Variants in RTN3 observed in about 807,000 individuals in gnomAD.
RTN3 encodes reticulon 3, also known as reticulon-3.
RTN3 carries 49 observed loss-of-function variants against 77.8 expected under a neutral mutation model. That is an observed-to-expected ratio of 0.63 (90% CI 0.50 to 0.80). RTN3 has a LOEUF of 0.80. Ranked by LOEUF, RTN3 falls within the 30% of genes least tolerant of loss-of-function variation. The pLI is 0.00. For synonymous variants in RTN3, 464 were observed against 446.9 expected, an observed-to-expected ratio of 1.04 and a Z score of -0.48; for missense variants, 1,236 against 1,211.9, an observed-to-expected ratio of 1.02 and a Z score of -0.29.
chr11:63,750,042 G>T lies in RTN3; in HGVS notation c.2582G>T (p.Gly861Val), dbSNP rs2014018452. 6.2e-7 allele frequency: 1 copy of T among 1,613,858 alleles called. No individual in the cohort carries two copies. Residue 861 changes from glycine to valine, a missense_variant, in exon 4 of 9, where the codon GGC becomes GTC. Coordinates refer to ENST00000377819, the MANE Select transcript of RTN3 (RefSeq NM_001265589.2). Reference sequence around the variant, plus strand: ...GTGAAGAAGACTGGGTTTGTCTTTGGCACCACGCTGATCATGCTGCTTTCC... The same window carrying T: ...GTGAAGAAGACTGGGTTTGTCTTTGTCACCACGCTGATCATGCTGCTTTCC... ...RDVKKTGFVFGTTLIMLLSLA... is the reference protein window; with the variant it reads ...RDVKKTGFVFVTTLIMLLSLA...
intron 7 of RTN3, among the ~76,000 whole-genome samples, chr11:63,754,925 CAAA>C (rs373589429): frequency 0.013 from 1,300 of 96,924 alleles, 19 homozygotes; most frequent in African/African-American, 0.048. Flanking sequence ...GACTCTGTCT[CAAA>C]AAAAAAAAAA....
chr11:63,755,783 C>G (rs1227133424), intron 7 of RTN3, among the ~76,000 whole-genome samples: 11 of 149,936 alleles, frequency 7.3e-5, no homozygotes, highest in Non-Finnish European at 4.4e-5. Flanking sequence ...CACGGTGAAA[C>G]CCCGTCTCTA....
At position 63,750,061 on chromosome 11, in the gene RTN3, G is replaced by C; in HGVS notation, c.2601G>C (p.Leu867=). The C allele has an allele frequency of 6.2e-7, 1 of 1,613,776 alleles. No individual in the cohort carries two copies. The highest frequency in any genetic ancestry group is 8.5e-7 in the Non-Finnish European group (1 of 1,179,786). ...GFVFGTTLIM[L]LSLAAFSVIS... Reference sequence around the variant, plus strand: ...TCTTTGGCACCACGCTGATCATGCTGCTTTCCCTGGCAGCTTTCAGTGTCA... The same window carrying C: ...TCTTTGGCACCACGCTGATCATGCTCCTTTCCCTGGCAGCTTTCAGTGTCA... The change falls in exon 4 of 9, where the codon CTG becomes CTC. Residue 867 remains leucine (L), a synonymous_variant. Transcript: ENST00000377819.
At chr11:63,706,757 A>C (rs1942512074) in intron 2 of RTN3, among the ~76,000 whole-genome samples, 1 of 152,134 alleles carries the variant, frequency 6.6e-6, no homozygotes, top group Non-Finnish European at 1.5e-5. Context: ...AAAATAATTT[A>C]AGCAAATAGG....
Position 63,694,052 on chromosome 11 carries a change from C to T in RTN3, c.143-10799C>T, listed in dbSNP as rs954513079. ...GGAGTATCACTTGGGCCCTCAAGGTCGAGGCTGCAGTGATTGCACTACCAC... is the reference window on the plus strand; with the variant it reads ...GGAGTATCACTTGGGCCCTCAAGGTTGAGGCTGCAGTGATTGCACTACCAC... On this transcript the variant is annotated intron_variant, in intron 1 of 8. Coordinates refer to ENST00000377819, the MANE Select transcript of RTN3 (RefSeq NM_001265589.2). 6.6e-5 allele frequency among the ~76,000 whole-genome samples: 10 copies of T among 151,914 alleles called. No homozygotes were observed. In the South Asian group the frequency reaches 1.7e-3, roughly 25 times the overall value.
chr11:63,747,093 G>A (rs1255521106), intron 3 of RTN3: 2 of 438,234 alleles, frequency 4.6e-6, no homozygotes, highest in African/African-American at 4.0e-5. Flanking sequence ...TTGTTTTGTA[G>A]AATATTTCTC....
intron 6 of RTN3, 52 bp from the exon 7 acceptor site, chr11:63,753,610 A>G: frequency 6.7e-7 from 1 of 1,495,236 alleles, no homozygotes; most frequent in Non-Finnish European, 9.3e-7. Context: ...GAGTCTTAAG[A>G]TGTGACTGTC....
rs559688036 is a variant in RTN3 at position 63,715,656 on chromosome 11, T to TA, written c.200-3038dup. On this transcript the variant is annotated intron_variant, in intron 2 of 8. Coordinates refer to ENST00000377819, the MANE Select transcript of RTN3 (RefSeq NM_001265589.2). Reference sequence around the variant, plus strand: ...CTGGGCAACAGAACTAGACTCTGTCTAAAAAAAACACACAAAAAACACACA... The same window carrying TA: ...CTGGGCAACAGAACTAGACTCTGTCTAAAAAAAAACACACAAAAAACACACA... 3.4e-3 allele frequency among the ~76,000 whole-genome samples: 516 copies of TA among 151,088 alleles called. 2 individuals carry two copies. Among genetic ancestry groups the TA allele is most frequent in the Middle Eastern group, 6.8e-3 (2 of 294 alleles).
In RTN3 at chr11:63,704,891, A is replaced by C. The variant is rs778560418; in HGVS notation, c.183A>C (p.Leu61=). The C allele has an allele frequency of 3.1e-6, 5 of 1,611,522 alleles. No homozygotes were observed. The African/African-American group carries it at 6.7e-5, about 22-fold the overall frequency. ...VSSSSSQPVS[L]FSTSQEGLSS... is the part of the protein sequence containing the mutation. ...CCTCTTCCTCTCAGCCTGTATCTCT[A>C]TTTTCGACCTCACAAGGCAAGTCTG... The change falls in exon 2 of 9, where the codon CTA becomes CTC. Residue 61 remains leucine (L), a synonymous_variant. Coordinates refer to ENST00000377819, the MANE Select transcript of RTN3 (RefSeq NM_001265589.2).
chr11:63,682,331 G>T lies in RTN3; in HGVS notation c.142+553G>T, dbSNP rs115104255. Among the ~76,000 whole-genome samples, 956 of 151,860 alleles carry T rather than the reference G, an allele frequency of 6.3e-3. 14 individuals are homozygous for T. Among genetic ancestry groups the T allele is most frequent in the African/African-American group, 0.022 (900 of 41,440 alleles). ...GGAAGCATTGTAGCCTGTTTTTTTT[G>T]TTTGTTTGTTTTGTTTTTACTGTTT... On this transcript the variant is annotated intron_variant, in intron 1 of 8. Transcript: ENST00000377819.
intron 3 of RTN3, among the ~76,000 whole-genome samples, chr11:63,745,896 C>T (rs746110855): frequency 6.6e-6 from 1 of 152,186 alleles, no homozygotes; most frequent in South Asian, 2.1e-4. Flanking sequence ...CTGCCACCTC[C>T]GCCTCCCAGG....
At chr11:63,697,851 T>C (rs1942044848) in intron 1 of RTN3, among the ~76,000 whole-genome samples, 2 of 152,202 alleles carry the variant, frequency 1.3e-5, no homozygotes, top group African/African-American at 2.4e-5. Context: ...TTCTTTTTTA[T>C]GTATTTTCAG....
intron 5 of RTN3, 25 bp from the exon 6 acceptor site, chr11:63,753,044 T>G: frequency 6.2e-7 from 1 of 1,611,354 alleles, no homozygotes; most frequent in South Asian, 1.1e-5. Context: ...TTATTCCTGC[T>G]TAACTTTTGA....
intron 1 of RTN3, among the ~76,000 whole-genome samples, chr11:63,683,355 T>G (rs1941169475): frequency 6.6e-6 from 1 of 152,250 alleles, no homozygotes; most frequent in African/African-American, 2.4e-5. Flanking sequence ...TTGTCATTGC[T>G]TACTGTTTGG....
rs2011632500 is a variant in RTN3, at chr11:63,719,919, C to G, written c.1417C>G (p.Pro473Ala). 4.3e-6 allele frequency: 7 copies of G among 1,613,988 alleles called. No homozygotes were observed. Among genetic ancestry groups the G allele is most frequent in the South Asian group, 2.2e-5 (2 of 91,080 alleles). ...SGVATVKVVL[P>A]DDHLKDEMDW... ...AGTGGCCACAGTGAAAGTGGTTTTA[C>G]CTGATGACCACCTGAAAGATGAAAT... is the stretch of plus-strand genomic sequence containing the variant. The change falls in exon 3 of 9, where the codon CCT becomes GCT. Residue 473 changes from proline to alanine, a missense_variant. This residue lies in a region of RTN3 where 1,056 missense variants were observed against 990.4 expected (regional missense o/e 1.07). Transcript: ENST00000377819.
intron 7 of RTN3, among the ~76,000 whole-genome samples, chr11:63,754,624 T>G (rs561900478): frequency 7.2e-6 from 1 of 139,060 alleles, no homozygotes; most frequent in East Asian, 2.2e-4. Flanking sequence ...TGCTTGAACC[T>G]GGGAGGTGGA....
At chr11:63,736,464 G>A (rs1255210222) in intron 3 of RTN3, among the ~76,000 whole-genome samples, 1 of 152,142 alleles carries the variant, frequency 6.6e-6, no homozygotes, top group Non-Finnish European at 1.5e-5. Context: ...GAGGCAGGTG[G>A]ATCACCTGAG....
intron 2 of RTN3, among the ~76,000 whole-genome samples, chr11:63,713,352 T>TG (rs1159326970): frequency 2.0e-5 from 3 of 152,158 alleles, no homozygotes; most frequent in Non-Finnish European, 4.4e-5. Context: ...AACAAGGTCT[T>TG]GCTTTGTCAC....
intron 1 of RTN3, 107 bp downstream of exon 1, chr11:63,681,885 C>T (rs973024706): frequency 6.6e-6 from 8 of 1,208,902 alleles, no homozygotes; most frequent in South Asian, 1.6e-5. Flanking sequence ...CCCTCGACTA[C>T]TGACGGCTTC....
Sources: allele counts gnomAD v4.1 joint callset (sites outside exome capture counted in the v4.1 genomes callset), GRCh38; gene constraint gnomAD v4.1.1; regional missense constraint gnomAD v4.1.1; transcripts MANE v1.5; gene names NCBI Gene and HGNC (gene_info 2026-07-23, HGNC 2026-07-21).